PBX1: variants seen among roughly 807,000 people sequenced by gnomAD.
The protein encoded by PBX1 is pre-B-cell leukemia transcription factor 1.
Under a neutral mutation model 53.4 loss-of-function variants are expected in PBX1, and 6 were observed. That is an observed-to-expected ratio of 0.11 (90% CI 0.06 to 0.22). The LOEUF is 0.22. Among genes scored for constraint, PBX1 ranks in the 10% least tolerant of loss-of-function variants. The pLI is 1.00. For synonymous variants in PBX1, 204 were observed against 212.3 expected, an observed-to-expected ratio of 0.96 and a Z score of 0.34; for missense variants, 251 against 551.4, an observed-to-expected ratio of 0.46 and a Z score of 5.46.
chr1:164,676,139 T>A (rs932075594), intron 2 of PBX1, among the ~76,000 whole-genome samples: 11 of 152,210 alleles, frequency 7.2e-5, no homozygotes, highest in Admixed American at 6.5e-4. Flanking sequence ...CATTTTGCGT[T>A]CTTTGTGCTT....
chr1:164,870,330 T>A (rs1418116916), intron 2 of PBX1, among the ~76,000 whole-genome samples: 1 of 118,602 alleles, frequency 8.4e-6, no homozygotes, highest in East Asian at 2.3e-4. Flanking sequence ...TCTTTCTTTC[T>A]TTCTTTCTTT....
At chr1:164,663,292 G>GCCTT (rs1366244557) in intron 2 of PBX1, among the ~76,000 whole-genome samples, 1 of 149,186 alleles carries the variant, frequency 6.7e-6, no homozygotes, top group African/African-American at 2.5e-5. Flanking sequence ...CTTCCTACCT[G>GCCTT]CCTGCCTTCC....
rs1558001434 is a variant in PBX1, at chr1:164,776,932, T to G, written c.266-15562T>G. ...GTGTGTGTGTGTGTGTGTGTGTGTG[T>G]GTGGTGGGAGGAGAGAGAGAGAGAG... On this transcript the variant is annotated intron_variant, in intron 2 of 8. Coordinates refer to ENST00000420696, the MANE Select transcript of PBX1 (RefSeq NM_002585.4). Among the ~76,000 whole-genome samples the G allele has an allele frequency of 3.2e-4, 24 of 74,620 alleles. 1 individual carries two copies. In the East Asian group the frequency reaches 5.2e-3, roughly 16 times the overall value. The allele number at this position is 74,620 out of a possible 152,430, so 49.0% of individuals were successfully genotyped here. A position where few individuals can be genotyped will look rare whatever the true frequency, so the allele number is the denominator to read the frequency against.
At chr1:164,602,785 C>G (rs1302584106) in intron 2 of PBX1, among the ~76,000 whole-genome samples, 2 of 151,810 alleles carry the variant, frequency 1.3e-5, no homozygotes, top group African/African-American at 4.8e-5. Context: ...GGGGAGCTCT[C>G]TAGGCACCTA....
At chr1:164,832,771 A>G (rs570424639) in intron 8 of PBX1, among the ~76,000 whole-genome samples, 6 of 152,180 alleles carry the variant, frequency 3.9e-5, no homozygotes, top group Non-Finnish European at 7.4e-5. Flanking sequence ...GGAGAGTGAT[A>G]AAATTGCATG....
intron 2 of PBX1, among the ~76,000 whole-genome samples, chr1:164,869,080 A>C (rs2102451137): frequency 6.6e-6 from 1 of 152,304 alleles, no homozygotes; most frequent in African/African-American, 2.4e-5. Flanking sequence ...ACAAAACCTA[A>C]ACATCACCTC....
At chr1:164,702,425 G>A (rs1418342582) in intron 2 of PBX1, among the ~76,000 whole-genome samples, 1 of 152,156 alleles carries the variant, frequency 6.6e-6, no homozygotes, top group African/African-American at 2.4e-5. Flanking sequence ...GAACTGCTAT[G>A]TTTATAGACA....
chr1:164,606,960 T>G (rs939395562), intron 2 of PBX1, among the ~76,000 whole-genome samples: 2 of 152,168 alleles, frequency 1.3e-5, no homozygotes, highest in Non-Finnish European at 2.9e-5. Context: ...TATTTCAAAG[T>G]GACGTTGGAA....
At chr1:164,819,820 G>C (rs1670061195) in intron 6 of PBX1, 2 of 375,106 alleles carry the variant, frequency 5.3e-6, no homozygotes, top group Non-Finnish European at 9.6e-6. Flanking sequence ...TTCTTGGCTT[G>C]AAGTTGCCAA....
intron 2 of PBX1, among the ~76,000 whole-genome samples, chr1:164,677,961 T>G (rs1200538404): frequency 1.3e-5 from 2 of 152,202 alleles, no homozygotes; most frequent in East Asian, 1.9e-4. Flanking sequence ...CCATTTAGTA[T>G]TATTGGCTCC....
chr1:164,785,954 G>C (rs1409583040), intron 2 of PBX1, among the ~76,000 whole-genome samples: 1 of 152,196 alleles, frequency 6.6e-6, no homozygotes, highest in Non-Finnish European at 1.5e-5. Context: ...TGCCAGTGTA[G>C]TTTTGCTTGT....
At chr1:164,577,163 C>G (rs376939352) in intron 2 of PBX1, among the ~76,000 whole-genome samples, 1 of 152,204 alleles carries the variant, frequency 6.6e-6, no homozygotes, top group African/African-American at 2.4e-5. Flanking sequence ...GAAACCCTCC[C>G]GTCTTTTCTG....
chr1:164,619,123 AACTC>A (rs1657501899), intron 2 of PBX1, among the ~76,000 whole-genome samples: 1 of 152,084 alleles, frequency 6.6e-6, no homozygotes, highest in South Asian at 2.1e-4. Context: ...AAAAGAAGGA[AACTC>A]ACAGGAAACC....
At position 164,850,549 on chromosome 1, in the gene PBX1, C is replaced by A. The variant is rs1051793499; in HGVS notation, c.*3873C>A. The A allele has an allele frequency of 2.1e-5, 4 of 192,036 alleles. No individual in the cohort carries two copies. Among genetic ancestry groups the A allele is most frequent in the Non-Finnish European group, 4.3e-5 (4 of 92,122 alleles). 11.9% of individuals were successfully genotyped at this position (192,036 alleles called of 1,614,324 possible). A position where few individuals can be genotyped will look rare whatever the true frequency, so the allele number is the denominator to read the frequency against. ...TTTAATTGTCAGGATTATGATCTTG[C>A]TGTTTTTCTTCAATATGTATACAAG... On this transcript the variant is annotated 3_prime_UTR_variant, in exon 9 of 9. Coordinates refer to ENST00000420696, the MANE Select transcript of PBX1 (RefSeq NM_002585.4).
At chr1:164,602,927 G>A (rs911482583) in intron 2 of PBX1, among the ~76,000 whole-genome samples, 17 of 152,244 alleles carry the variant, frequency 1.1e-4, no homozygotes, top group Admixed American at 1.3e-4. Context: ...GTCCCGTCCC[G>A]GCTGGCAGGT....
intron 2 of PBX1, among the ~76,000 whole-genome samples, chr1:164,633,807 A>C (rs887054658): frequency 6.6e-6 from 1 of 152,194 alleles, no homozygotes; most frequent in African/African-American, 2.4e-5. Flanking sequence ...AGTAGTATCT[A>C]CTTCATAGGT....
At chr1:164,724,377 G>C (rs1446483693) in intron 2 of PBX1, among the ~76,000 whole-genome samples, 1 of 152,070 alleles carries the variant, frequency 6.6e-6, no homozygotes, top group South Asian at 2.1e-4. Flanking sequence ...GCTTCCCTTG[G>C]CCACTCTTTT....
At chr1:164,808,329 T>C (rs1410684583) in intron 5 of PBX1, among the ~76,000 whole-genome samples, 2 of 152,180 alleles carry the variant, frequency 1.3e-5, no homozygotes. Flanking sequence ...AACACGAATA[T>C]GAAGCAGAGA....
intron 2 of PBX1, among the ~76,000 whole-genome samples, chr1:164,652,873 CTT>C (rs34214272): frequency 7.0e-6 from 1 of 142,730 alleles, no homozygotes; most frequent in Admixed American, 7.0e-5. Context: ...CCTGTTTAAA[CTT>C]TTTTTTTTTT....
Sources: gnomAD v4.1 joint callset for allele counts (sites outside exome capture counted in the v4.1 genomes callset) on GRCh38, gnomAD v4.1.1 for gene constraint, MANE v1.5 for transcripts, NCBI Gene and HGNC (gene_info 2026-07-23, HGNC 2026-07-21) for gene names.